CASD1: variants seen among roughly 807,000 people sequenced by gnomAD.
CASD1 encodes the protein CAS1 domain sialic acid O acetyltransferase 1.
In CASD1, 41 loss-of-function variants were observed where a neutral mutation model predicts 100.0. That is an observed-to-expected ratio of 0.41 (90% CI 0.32 to 0.53). CASD1 has a LOEUF of 0.53. Ranked by LOEUF, CASD1 falls within the 20% of genes least tolerant of loss-of-function variation. CASD1 has a pLI of 0.25. For missense variants in CASD1, 774 were observed against 948.7 expected, an observed-to-expected ratio of 0.82 and a Z score of 2.42; for synonymous variants, 321 against 315.6, an observed-to-expected ratio of 1.02 and a Z score of -0.18.
At chr7:94,541,708 C>A (rs1284246565) in intron 10 of CASD1, among the ~76,000 whole-genome samples, 1 of 151,482 alleles carries the variant, frequency 6.6e-6, no homozygotes, top group Non-Finnish European at 1.5e-5. Context: ...CATGCATATT[C>A]TTAATACTAA....
At position 94,518,234 on chromosome 7, in the gene CASD1, A is replaced by G. The variant is rs1794075853; in HGVS notation, c.262A>G (p.Ile88Val). The G allele has an allele frequency of 6.4e-7, 1 of 1,569,418 alleles. No individual in the cohort carries two copies. The highest frequency in any genetic ancestry group is 8.6e-7 in the Non-Finnish European group (1 of 1,163,510). The change falls in exon 3 of 18, where the codon ATT becomes GTT. Residue 88 changes from isoleucine (I) to valine (V), a missense_variant. This residue lies in a region of CASD1 where 61 missense variants were observed against 115.9 expected (regional missense o/e 0.53). Coordinates refer to ENST00000297273, the MANE Select transcript of CASD1 (RefSeq NM_022900.5). ...EAKNCLVDKH[I>V]AFIGDSRIRQ... ...AAAGAACTGCCTTGTAGATAAACAT[A>G]TTGCATTTATTGGAGATTCCAGAAT...
rs1796211892 is a variant in CASD1 at position 94,556,568 on chromosome 7, T to G, written c.*810T>G. 6.6e-6 allele frequency: 1 copy of G among 152,046 alleles called. No homozygotes were observed. The highest frequency in any genetic ancestry group is 1.5e-5 in the Non-Finnish European group (1 of 67,922). The allele number at this position is 152,046 out of a possible 1,614,324, so 9.4% of individuals were successfully genotyped here. ...CATTTAATATGTTATCCCCACTAAT[T>G]AATTTTCGTATATTATTTCCAATAT... On this transcript the variant is annotated 3_prime_UTR_variant, in exon 18 of 18. Transcript: ENST00000297273.
the CASD1 span, chr7:94,588,928 A>T: frequency 1.7e-6 from 1 of 603,020 alleles, no homozygotes. Context: ...ACAATATTTG[A>T]TAACATGCAT....
chr7:94,586,078 A>C, the CASD1 span, among the ~76,000 whole-genome samples: 11 of 150,322 alleles, frequency 7.3e-5, no homozygotes, highest in South Asian at 6.3e-4. Context: ...AAAAAAAAAA[A>C]AAAAAAAAAC....
chr7:94,511,819 A>G (rs1376379011), intron 1 of CASD1, among the ~76,000 whole-genome samples: 1 of 152,276 alleles, frequency 6.6e-6, no homozygotes, highest in South Asian at 2.1e-4. Context: ...TTATTTTTAG[A>G]TTATAGATTT....
chr7:94,604,806 A>AATATATATAT, the CASD1 span, among the ~76,000 whole-genome samples: 89 of 44,362 alleles, frequency 2.0e-3, 1 homozygote, highest in African/African-American at 2.4e-3. Context: ...ATGGTGCTGG[A>AATATATATAT]ATATATATAT....
At chr7:94,628,434 C>A in the CASD1 span, 1 of 1,298,054 alleles carries the variant, frequency 7.7e-7, no homozygotes, top group Non-Finnish European at 1.1e-6. Context: ...TCAATCAAAA[C>A]ATTCTGTCTA....
chr7:94,592,403 C>A, the CASD1 span, among the ~76,000 whole-genome samples: 2 of 152,008 alleles, frequency 1.3e-5, no homozygotes, highest in Non-Finnish European at 1.5e-5. Flanking sequence ...CAAATAGAGG[C>A]CCTATAATCC....
chr7:94,591,037 T>A, the CASD1 span, among the ~76,000 whole-genome samples: 4 of 152,182 alleles, frequency 2.6e-5, no homozygotes, highest in African/African-American at 9.6e-5. Context: ...ACTTAATAAT[T>A]CATCCCGACG....
chr7:94,560,832 T>C (rs547287067), downstream of CASD1, among the ~76,000 whole-genome samples: 3 of 152,244 alleles, frequency 2.0e-5, no homozygotes, highest in East Asian at 5.8e-4. Context: ...TTAATAGGTT[T>C]AAAGACATGT....
chr7:94,603,974 A>T, the CASD1 span, among the ~76,000 whole-genome samples: 1 of 152,098 alleles, frequency 6.6e-6, no homozygotes, highest in Non-Finnish European at 1.5e-5. Flanking sequence ...TAGTTTTTCT[A>T]CTACACAAAC....
chr7:94,609,191 CA>C, the CASD1 span, among the ~76,000 whole-genome samples: 4 of 152,096 alleles, frequency 2.6e-5, no homozygotes, highest in Non-Finnish European at 5.9e-5. Flanking sequence ...CCAAAATATA[CA>C]AAAAACACTT....
the CASD1 span, chr7:94,598,963 G>T: frequency 6.2e-7 from 1 of 1,611,938 alleles, no homozygotes; most frequent in Non-Finnish European, 8.5e-7. Flanking sequence ...CCAGTTGGAT[G>T]CTAGGTCAAA....
chr7:94,627,028 A>T, the CASD1 span: 1 of 152,022 alleles, frequency 6.6e-6, no homozygotes, highest in African/African-American at 2.4e-5. Context: ...CTGAATATTT[A>T]AAAAAATTAA....
the CASD1 span, among the ~76,000 whole-genome samples, chr7:94,563,764 C>A: frequency 6.6e-6 from 1 of 151,968 alleles, no homozygotes; most frequent in African/African-American, 2.4e-5. Context: ...TGTGTTGCCC[C>A]CAGAACCCAA....
At chr7:94,629,885 G>C in the CASD1 span, 2 of 1,605,882 alleles carry the variant, frequency 1.2e-6, no homozygotes, top group Non-Finnish European at 1.7e-6. Context: ...GACAAATAAT[G>C]AGATACGCCC....
At chr7:94,530,099 G>A (rs562032122) in intron 5 of CASD1, among the ~76,000 whole-genome samples, 12 of 152,270 alleles carry the variant, frequency 7.9e-5, no homozygotes, top group African/African-American at 2.2e-4. Context: ...TAAGCAATGT[G>A]ACAAGTGCTA....
chr7:94,575,886 T>C, the CASD1 span, among the ~76,000 whole-genome samples: 1 of 152,206 alleles, frequency 6.6e-6, no homozygotes, highest in Admixed American at 6.5e-5. Context: ...TTGAATTACA[T>C]TTTTCTTGCT....
chr7:94,522,662 ATT>A (rs66505752), intron 3 of CASD1, among the ~76,000 whole-genome samples: 1 of 148,134 alleles, frequency 6.8e-6, no homozygotes, highest in Non-Finnish European at 1.5e-5. Flanking sequence ...ATTTTTATTT[ATT>A]TTTTTTTTTT....
Sources: allele counts gnomAD v4.1 joint callset (sites outside exome capture counted in the v4.1 genomes callset), GRCh38; gene constraint gnomAD v4.1.1; regional missense constraint gnomAD v4.1.1; transcripts MANE v1.5; gene names NCBI Gene and HGNC (gene_info 2026-07-23, HGNC 2026-07-21).